The following SLC2A4 variants were observed in gnomAD, a reference collection of about 807,000 sequenced individuals.
SLC2A4 encodes the protein solute carrier family 2 member 4.
SLC2A4 carries 31 observed loss-of-function variants against 53.3 expected under a neutral mutation model. The ratio of observed to expected loss-of-function variants is 0.58; its 90% confidence interval spans 0.44 to 0.78. The LOEUF (loss-of-function observed/expected upper bound fraction) is 0.78. Ranked by LOEUF, SLC2A4 falls within the 30% of genes least tolerant of loss-of-function variation. The probability of loss-of-function intolerance (pLI) is 0.00; values close to 1 mark genes in which losing one functional copy is unlikely to be tolerated. For missense variants in SLC2A4, 538 were observed against 655.7 expected, an observed-to-expected ratio of 0.82 and a Z score of 1.96; for synonymous variants, 276 against 281.9, an observed-to-expected ratio of 0.98 and a Z score of 0.21.
chr17:7,281,860 A>C lies in SLC2A4; in HGVS notation c.-75A>C. The C allele has an allele frequency of 6.7e-7, 1 of 1,502,288 alleles. No individual in the cohort carries two copies. Among genetic ancestry groups the C allele is most frequent in the South Asian group, 1.2e-5 (1 of 83,512 alleles). 93.1% of individuals were successfully genotyped at this position (1,502,288 alleles called of 1,614,324 possible). A position where few individuals can be genotyped will look rare whatever the true frequency, so the allele number is the denominator to read the frequency against. ...GCGGCCTCCGCAGGTTCTGCGCTCC[A>C]GGCCGGAGTCAGAGACTCCAGGATC... On this transcript the variant is annotated 5_prime_UTR_variant, in exon 1 of 11. Transcript: ENST00000317370.
rs186924344 is a variant in SLC2A4 at position 7,281,854 on chromosome 17, C to A, written c.-81C>A. On this transcript the variant is annotated 5_prime_UTR_variant, in exon 1 of 11. Transcript: ENST00000317370. ...ACCCCCGCGGCCTCCGCAGGTTCTGCGCTCCAGGCCGGAGTCAGAGACTCC... is the reference window on the plus strand; with the variant it reads ...ACCCCCGCGGCCTCCGCAGGTTCTGAGCTCCAGGCCGGAGTCAGAGACTCC... 1.4e-4 allele frequency: 211 copies of A among 1,474,476 alleles called. 1 individual carries two copies. The African/African-American group carries it at 2.8e-3, about 19-fold the overall frequency. 91.3% of individuals were successfully genotyped at this position (1,474,476 alleles called of 1,614,324 possible).
At position 7,281,735 on chromosome 17, in the gene SLC2A4, C is replaced by G. The variant is rs1350151284; in HGVS notation, c.-200C>G. On this transcript the variant is annotated 5_prime_UTR_variant, in exon 1 of 11. Coordinates refer to ENST00000317370, the MANE Select transcript of SLC2A4 (RefSeq NM_001042.3). The stretch of plus-strand genomic sequence containing the variant: ...CTTCTCGCGTCTTTTCCCCCAGCCC[C>G]GCTCCACCAGATCCGCGGGAGCCCC... The G allele has an allele frequency of 1.3e-4, 82 of 636,892 alleles. 1 individual carries two copies. Among genetic ancestry groups the G allele is most frequent in the South Asian group, 1.3e-3 (70 of 55,772 alleles). 39.5% of individuals were successfully genotyped at this position (636,892 alleles called of 1,614,324 possible). A position where few individuals can be genotyped will look rare whatever the true frequency, so the allele number is the denominator to read the frequency against.
rs1174216154 is a variant in SLC2A4 at position 7,284,933 on chromosome 17, G to A, written c.1014G>A (p.Leu338=). Residue 338 remains leucine (L), a synonymous_variant, in exon 8 of 11, where the codon TTG becomes TTA. Coordinates refer to ENST00000317370, the MANE Select transcript of SLC2A4 (RefSeq NM_001042.3). The surrounding 1 kb of genome is among the most constrained non-coding windows in gnomAD (Gnocchi z 7.5). The part of the protein sequence containing the change: ...GAGVVNTVFT[L]VSVLLVERAG... ...GTGTGGTCAACACAGTCTTCACCTT[G>A]GTCTCGGTAACTGCTCACCTCTGGA... 6.2e-7 allele frequency: 1 copy of A among 1,614,180 alleles called. No individual in the cohort carries two copies. Among genetic ancestry groups the A allele is most frequent in the African/African-American group, 1.3e-5 (1 of 75,052 alleles).
In SLC2A4 at chr17:7,283,152, A is replaced by G. The variant is rs1020316330; in HGVS notation, c.34-93A>G. On this transcript the variant is annotated intron_variant, in intron 1 of 10. Coordinates refer to ENST00000317370, the MANE Select transcript of SLC2A4 (RefSeq NM_001042.3). The surrounding 1 kb of genome is among the most constrained non-coding windows in gnomAD (Gnocchi z 5.8). ...CCCAACATGTTGGGTGGAGCCCAGT[A>G]TCTTCAGGCTCCAGCTGGGCCCGGG... 2 of 958,316 alleles carry G rather than the reference A, an allele frequency of 2.1e-6. No individual in the cohort carries two copies. Among genetic ancestry groups the G allele is most frequent in the Admixed American group, 3.4e-5 (2 of 59,208 alleles). 59.4% of individuals were successfully genotyped at this position (958,316 alleles called of 1,614,324 possible).
rs886296383 is a variant in SLC2A4 at position 7,285,644 on chromosome 17, G to A, written c.1123-61G>A. On this transcript the variant is annotated intron_variant, in intron 9 of 10. Coordinates refer to ENST00000317370, the MANE Select transcript of SLC2A4 (RefSeq NM_001042.3). This position sits in a 1 kb window ranked among gnomAD's most constrained non-coding sequence, Gnocchi z 6.0. Reference sequence around the variant, plus strand: ...GTTAGGTTTCACTTCTCTGAGTTGAGGGCAAGGGAAGATCAGAAAGGCCTC... The same window carrying A: ...GTTAGGTTTCACTTCTCTGAGTTGAAGGCAAGGGAAGATCAGAAAGGCCTC... 66 of 1,537,300 alleles carry A rather than the reference G, an allele frequency of 4.3e-5. No homozygotes were observed. The East Asian group carries it at 1.3e-3, about 31-fold the overall frequency.
chr17:7,283,417 C>T lies in SLC2A4; in HGVS notation c.150+56C>T, dbSNP rs745856223. 80 of 1,611,574 alleles carry T rather than the reference C, an allele frequency of 5.0e-5. No individual in the cohort carries two copies. The highest frequency in any genetic ancestry group is 8.9e-5 in the East Asian group (4 of 44,850). On this transcript the variant is annotated intron_variant, in intron 2 of 10. Transcript: ENST00000317370. The surrounding 1 kb of genome is among the most constrained non-coding windows in gnomAD (Gnocchi z 5.8). ...ACCCAAACGAGGAGGACAGGTGTCTCGGGGGTGGTGGAAAGGGGACGGTCT... is the reference window on the plus strand; with the variant it reads ...ACCCAAACGAGGAGGACAGGTGTCTTGGGGGTGGTGGAAAGGGGACGGTCT...
chr17:7,283,467 C>T lies in SLC2A4; in HGVS notation c.151-6C>T, dbSNP rs1428676771. On this transcript the variant is annotated splice_polypyrimidine_tract_variant and splice_region_variant and intron_variant, in intron 2 of 10. Transcript: ENST00000317370. This position sits in a 1 kb window ranked among gnomAD's most constrained non-coding sequence, Gnocchi z 5.8. ...TGCAGGAAATCTGTCCTCTGCTGTC[C>T]CCCAGGTGATTGAACAGAGCTACAA... 1.9e-6 allele frequency: 3 copies of T among 1,613,002 alleles called. No homozygotes were observed. In the African/African-American group the frequency reaches 4.0e-5, roughly 22 times the overall value.
Position 7,284,146 on chromosome 17 carries a change from A to G in SLC2A4, c.564+57A>G. On this transcript the variant is annotated intron_variant, in intron 5 of 10. Transcript: ENST00000317370. This position sits in a 1 kb window ranked among gnomAD's most constrained non-coding sequence, Gnocchi z 7.5. ...CAGTGGTTAGAGTGGGGCTCTGGAG[A>G]ATATGGTGGGCTTCCAAGGTAAGGC... 1 of 1,610,650 alleles carries G rather than the reference A, an allele frequency of 6.2e-7. No individual in the cohort carries two copies. Among genetic ancestry groups the G allele is most frequent in the Non-Finnish European group, 8.5e-7 (1 of 1,178,086 alleles).
At chr17:7,286,289 C>T (rs879089058) in intron 10 of SLC2A4, 137 bp from the exon 11 acceptor site, 106 of 785,050 alleles carry the variant, frequency 1.4e-4, no homozygotes, top group South Asian at 9.1e-4. Flanking sequence ...CTGCTCATTT[C>T]CCTTGTCCCT....
rs1401905836 is a variant in SLC2A4 at position 7,282,841 on chromosome 17, C to G, written c.34-404C>G. 1 of 354,272 alleles carries G rather than the reference C, an allele frequency of 2.8e-6. No individual in the cohort carries two copies. Among genetic ancestry groups the G allele is most frequent in the Non-Finnish European group, 5.5e-6 (1 of 180,860 alleles). 21.9% of individuals were successfully genotyped at this position (354,272 alleles called of 1,614,324 possible). A position where few individuals can be genotyped will look rare whatever the true frequency, so the allele number is the denominator to read the frequency against. Reference sequence around the variant, plus strand: ...ATTGTTAACATGTGATGTTGATTTTCACAACACTCTCACAGATAGGTAGGC... The same window carrying G: ...ATTGTTAACATGTGATGTTGATTTTGACAACACTCTCACAGATAGGTAGGC... On this transcript the variant is annotated intron_variant, in intron 1 of 10. Transcript: ENST00000317370. This position sits in a 1 kb window ranked among gnomAD's most constrained non-coding sequence, Gnocchi z 4.1.
chr17:7,281,925 C>A lies in SLC2A4; in HGVS notation c.-10C>A, dbSNP rs1426407725. 2 of 1,587,332 alleles carry A rather than the reference C, an allele frequency of 1.3e-6. No homozygotes were observed. The highest frequency in any genetic ancestry group is 1.7e-6 in the Non-Finnish European group (2 of 1,164,524). ...CGCCGCCCCTGCGCGTCCAGCTCTT[C>A]TAAGACGAGATGCCGTCGGGCTTCC... On this transcript the variant is annotated 5_prime_UTR_variant, in exon 1 of 11. Coordinates refer to ENST00000317370, the MANE Select transcript of SLC2A4 (RefSeq NM_001042.3).
rs777323074 is a variant in SLC2A4, at chr17:7,283,881, G to C, written c.448+19G>C. 3.1e-6 allele frequency: 5 copies of C among 1,614,148 alleles called. No individual in the cohort carries two copies. The highest frequency in any genetic ancestry group is 1.7e-6 in the Non-Finnish European group (2 of 1,180,034). ...TACTCAGGTACTCACGGGCACCACA[G>C]CCCTGCCTAGCGCCCTGTTCTCTTT... is the stretch of plus-strand genomic sequence containing the variant. On this transcript the variant is annotated intron_variant, in intron 4 of 10. Transcript: ENST00000317370. This position sits in a 1 kb window ranked among gnomAD's most constrained non-coding sequence, Gnocchi z 5.8.
rs377321536 is a variant in SLC2A4 at position 7,284,630 on chromosome 17, G to T, written c.873G>T (p.Ala291=). ...CCCACCGGCAGCCCCTGATCATTGC[G>T]GTCGTGCTGCAGCTGAGCCAGCAGC... ...SRTHRQPLII[A]VVLQLSQQLS... Residue 291 remains alanine, a synonymous_variant, in exon 7 of 11, where the codon GCG becomes GCT. Coordinates refer to ENST00000317370, the MANE Select transcript of SLC2A4 (RefSeq NM_001042.3). This position sits in a 1 kb window ranked among gnomAD's most constrained non-coding sequence, Gnocchi z 7.5. 1.9e-6 allele frequency: 3 copies of T among 1,614,050 alleles called. No individual in the cohort carries two copies. Among genetic ancestry groups the T allele is most frequent in the Non-Finnish European group, 2.5e-6 (3 of 1,180,044 alleles).
At position 7,285,782 on chromosome 17, in the gene SLC2A4, C is replaced by G; in HGVS notation, c.1200C>G (p.Gly400=). ...GFVAFFEIGP[G]PIPWFIVAEL... is the part of the protein sequence containing the mutation. ...TGGCATTTTTTGAGATTGGCCCTGGCCCCATTCCTTGGTTCATCGTGGCCG... is the reference window on the plus strand; with the variant it reads ...TGGCATTTTTTGAGATTGGCCCTGGGCCCATTCCTTGGTTCATCGTGGCCG... The change falls in exon 10 of 11, where the codon GGC becomes GGG. Residue 400 remains glycine (G), a synonymous_variant. Transcript: ENST00000317370. This position sits in a 1 kb window ranked among gnomAD's most constrained non-coding sequence, Gnocchi z 6.0. 6.2e-7 allele frequency: 1 copy of G among 1,614,188 alleles called. No individual in the cohort carries two copies.
rs757667408 is a variant in SLC2A4, at chr17:7,284,561, G to A, written c.804G>A (p.Glu268=). Residue 268 remains glutamate, a synonymous_variant, in exon 7 of 11, where the codon GAG becomes GAA. Coordinates refer to ENST00000317370, the MANE Select transcript of SLC2A4 (RefSeq NM_001042.3). This position sits in a 1 kb window ranked among gnomAD's most constrained non-coding sequence, Gnocchi z 7.5. ...TGAAGGATGAGAAGCGGAAGCTGGAGCGTGAGCGGCCACTGTCCCTGCTCC... is the reference window on the plus strand; with the variant it reads ...TGAAGGATGAGAAGCGGAAGCTGGAACGTGAGCGGCCACTGTCCCTGCTCC... ...AELKDEKRKL[E]RERPLSLLQL... 3.1e-6 allele frequency: 5 copies of A among 1,614,240 alleles called. No individual in the cohort carries two copies. The highest frequency in any genetic ancestry group is 4.2e-6 in the Non-Finnish European group (5 of 1,180,056).
At chr17:7,286,305 A>C (rs2072448834) in intron 10 of SLC2A4, 121 bp from the exon 11 acceptor site, 5 of 807,434 alleles carry the variant, frequency 6.2e-6, no homozygotes, top group Non-Finnish European at 1.1e-5. Context: ...TCCCTGGAGG[A>C]GGCAGCTGCT....
In SLC2A4 at chr17:7,281,732, C is replaced by T. The variant is rs527315569; in HGVS notation, c.-203C>T. 9.5e-6 allele frequency: 6 copies of T among 632,394 alleles called. No individual in the cohort carries two copies. The highest frequency in any genetic ancestry group is 2.5e-5 in the Admixed American group (1 of 39,666). 39.2% of individuals were successfully genotyped at this position (632,394 alleles called of 1,614,324 possible). Reference sequence around the variant, plus strand: ...GGGCTTCTCGCGTCTTTTCCCCCAGCCCCGCTCCACCAGATCCGCGGGAGC... The same window carrying T: ...GGGCTTCTCGCGTCTTTTCCCCCAGTCCCGCTCCACCAGATCCGCGGGAGC... On this transcript the variant is annotated 5_prime_UTR_variant, in exon 1 of 11. Transcript: ENST00000317370.
Position 7,286,558 on chromosome 17 carries a change from C to A in SLC2A4, c.1459C>A (p.Pro487Thr). Residue 487 changes from proline to threonine, a missense_variant, in exon 11 of 11, where the codon CCC (proline) becomes ACC (threonine). Pro to Thr is a conservative substitution (Grantham distance 38). Coordinates refer to ENST00000317370, the MANE Select transcript of SLC2A4 (RefSeq NM_001042.3). ...GATCTCAGCTGCCTTCCACCGGACA[C>A]CCTCTCTTTTAGAGCAGGAGGTGAA... ...DQISAAFHRTPSLLEQEVKPS... is the reference protein window; with the variant it reads ...DQISAAFHRTTSLLEQEVKPS... The A allele has an allele frequency of 1.9e-6, 3 of 1,614,204 alleles. No individual in the cohort carries two copies. The highest frequency in any genetic ancestry group is 2.5e-6 in the Non-Finnish European group (3 of 1,180,032).
rs1327224160 is a variant in SLC2A4 at position 7,283,769 on chromosome 17, G to A, written c.355G>A (p.Ala119Thr). The A allele has an allele frequency of 6.2e-7, 1 of 1,613,972 alleles. No individual in the cohort carries two copies. The highest frequency in any genetic ancestry group is 8.5e-7 in the Non-Finnish European group (1 of 1,180,020). Residue 119 changes from alanine (A) to threonine (T), a missense_variant, in exon 4 of 11, where the codon GCG becomes ACG. Physicochemically the swap from Ala to Thr is moderately conservative, Grantham distance 58 (BLOSUM62 0). Transcript: ENST00000317370. The surrounding 1 kb of genome is among the most constrained non-coding windows in gnomAD (Gnocchi z 5.8). Reference sequence around the variant, plus strand: ...GGCCATGCTGGTCAACAATGTCCTGGCGGTGCTGGGGGGCAGCCTCATGGG... The same window carrying A: ...GGCCATGCTGGTCAACAATGTCCTGACGGTGCTGGGGGGCAGCCTCATGGG... ...KRAMLVNNVL[A>T]VLGGSLMGLA...
Sources: allele counts gnomAD v4.1 joint callset, GRCh38; gene constraint gnomAD v4.1.1; non-coding constraint Gnocchi (gnomAD v3.1); transcripts MANE v1.5; gene names NCBI Gene and HGNC (gene_info 2026-07-23, HGNC 2026-07-21).